CDH12: variants seen among roughly 807,000 people sequenced by gnomAD.
CDH12 encodes the protein cadherin 12.
Under a neutral mutation model 74.1 loss-of-function variants are expected in CDH12, and 41 were observed. The ratio of observed to expected loss-of-function variants is 0.55; its 90% CI spans 0.43 to 0.72. The LOEUF (loss-of-function observed/expected upper bound fraction) is 0.72, where lower values mean the gene tolerates loss of function less well. CDH12 is among the 30% of genes least tolerant of loss of function. The probability of loss-of-function intolerance (pLI) is 0.00; values close to 1 mark genes in which losing one functional copy is unlikely to be tolerated. For synonymous variants in CDH12, 399 were observed against 355.0 expected (o/e 1.12, Z -1.39); for missense variants, 945 against 977.2 (o/e 0.97, Z 0.44).
intron 8 of CDH12, among the ~76,000 whole-genome samples, chr5:21,830,359 G>A (rs1299102066): frequency 6.6e-6 from 1 of 152,008 alleles, no homozygotes; most frequent in African/African-American, 2.4e-5. Context: ...GGGACAAGGA[G>A]AAGGAAAAAA....
intron 1 of CDH12, among the ~76,000 whole-genome samples, chr5:22,514,301 A>G (rs1157542282): frequency 1.3e-5 from 2 of 152,120 alleles, no homozygotes; most frequent in African/African-American, 2.4e-5. Flanking sequence ...AAAAAAATAC[A>G]CAGAAACACA....
intron 11 of CDH12, among the ~76,000 whole-genome samples, chr5:21,780,370 A>T (rs899751292): frequency 6.6e-6 from 1 of 152,204 alleles, no homozygotes; most frequent in Non-Finnish European, 1.5e-5. Flanking sequence ...AAGGCTCTGA[A>T]AGGAGACACT....
At chr5:22,741,865 T>C (rs181948427) in intron 1 of CDH12, among the ~76,000 whole-genome samples, 1 of 152,258 alleles carries the variant, frequency 6.6e-6, no homozygotes, top group East Asian at 1.9e-4. Context: ...TTTCTTATGA[T>C]GAACAAAATG....
At chr5:22,698,735 AGTGTGTGT>A (rs374493879) in intron 1 of CDH12, among the ~76,000 whole-genome samples, 1,054 of 14,394 alleles carry the variant, frequency 0.073, 150 homozygotes, top group Middle Eastern at 0.4. Flanking sequence ...ATATATATAT[AGTGTGTGT>A]GTGTGTGTGT....
chr5:22,345,106 A>G (rs1740055055), intron 3 of CDH12, among the ~76,000 whole-genome samples: 1 of 152,182 alleles, frequency 6.6e-6, no homozygotes, highest in Non-Finnish European at 1.5e-5. Flanking sequence ...GCACTGCAAC[A>G]TTGATTTGAT....
At chr5:22,572,068 A>C (rs1406040489) in intron 1 of CDH12, among the ~76,000 whole-genome samples, 1 of 152,182 alleles carries the variant, frequency 6.6e-6, no homozygotes, top group Non-Finnish European at 1.5e-5. Flanking sequence ...TAAAAACAAC[A>C]CAATATCTGC....
intron 4 of CDH12, among the ~76,000 whole-genome samples, chr5:22,170,137 T>C (rs538976956): frequency 6.6e-6 from 1 of 151,802 alleles, no homozygotes; most frequent in African/African-American, 2.4e-5. Flanking sequence ...AAGCTGAATG[T>C]CCCTCAGAAT....
At chr5:22,735,052 T>C (rs1580940216) in intron 1 of CDH12, among the ~76,000 whole-genome samples, 1 of 152,056 alleles carries the variant, frequency 6.6e-6, no homozygotes, top group African/African-American at 2.4e-5. Flanking sequence ...GTCAGTTACA[T>C]CAGTATCTGA....
chr5:21,917,256 C>A (rs1309709748), intron 6 of CDH12, among the ~76,000 whole-genome samples: 1 of 152,086 alleles, frequency 6.6e-6, no homozygotes, highest in Non-Finnish European at 1.5e-5. Context: ...CTGACCTGGC[C>A]GCATATGGGA....
At chr5:22,558,617 G>GA (rs1738906499) in intron 1 of CDH12, among the ~76,000 whole-genome samples, 1 of 151,566 alleles carries the variant, frequency 6.6e-6, no homozygotes, top group African/African-American at 2.4e-5. Flanking sequence ...TTTGCCATAT[G>GA]AAAAAATACC....
rs548131340 is a variant in CDH12, at chr5:22,164,830, G to C, written c.-187+47668C>G. Among the ~76,000 whole-genome samples, 18 of 143,206 alleles carry C rather than the reference G, an allele frequency of 1.3e-4. No homozygotes were observed. In the East Asian group the frequency reaches 2.6e-3, roughly 21 times the overall value. 93.9% of individuals were successfully genotyped at this position (143,206 alleles called of 152,430 possible). On this transcript the variant is annotated intron_variant, in intron 4 of 14. Transcript: ENST00000382254. ...TGGATGTGGTCACCTTCCCAGCTAG[G>C]CTTAGGGATTCTTAGTCAGCCTAGG...
chr5:21,836,462 A>AACACACACACACACAC (rs60658949), intron 8 of CDH12, among the ~76,000 whole-genome samples: 102 of 143,526 alleles, frequency 7.1e-4, no homozygotes, highest in East Asian at 3.2e-3. Context: ...TAGAAAGGAA[A>AACACACACACACACAC]ACACACACAC....
intron 2 of CDH12, among the ~76,000 whole-genome samples, chr5:22,426,573 A>G (rs1044539816): frequency 5.9e-5 from 9 of 152,140 alleles, no homozygotes; most frequent in African/African-American, 2.2e-4. Flanking sequence ...ATATTTAACT[A>G]AATATTTAGT....
chr5:22,629,447 T>A (rs2126854141), intron 1 of CDH12, among the ~76,000 whole-genome samples: 1 of 152,018 alleles, frequency 6.6e-6, no homozygotes, highest in South Asian at 2.1e-4. Context: ...GAATGCAAGA[T>A]TTTTTCAACA....
At chr5:22,402,333 G>A (rs997414678) in intron 3 of CDH12, among the ~76,000 whole-genome samples, 2 of 152,164 alleles carry the variant, frequency 1.3e-5, no homozygotes, top group Non-Finnish European at 2.9e-5. Context: ...TTGAATAGAT[G>A]TCAGTAGAAA....
intron 2 of CDH12, among the ~76,000 whole-genome samples, chr5:22,490,731 A>C (rs1232621357): frequency 1.1e-4 from 17 of 152,014 alleles, no homozygotes; most frequent in Non-Finnish European, 4.4e-5. Context: ...ACAACTAACT[A>C]CCTCCTATGA....
intron 4 of CDH12, among the ~76,000 whole-genome samples, chr5:22,208,174 A>G (rs1371550939): frequency 6.6e-6 from 1 of 152,222 alleles, no homozygotes; most frequent in African/African-American, 2.4e-5. Context: ...TGTCTACCAG[A>G]ACTATGAACA....
intron 1 of CDH12, among the ~76,000 whole-genome samples, chr5:22,601,654 C>T (rs960663520): frequency 6.6e-6 from 1 of 151,864 alleles, no homozygotes; most frequent in East Asian, 1.9e-4. Context: ...TTTAAGTTAT[C>T]GACTGGGTAC....
At chr5:22,159,815 T>C (rs2150317808) in intron 4 of CDH12, among the ~76,000 whole-genome samples, 1 of 152,328 alleles carries the variant, frequency 6.6e-6, no homozygotes, top group South Asian at 2.1e-4. Flanking sequence ...TAATAGTTCA[T>C]TAACAAGATA....
Sources: gnomAD v4.1 joint callset for allele counts (sites outside exome capture counted in the v4.1 genomes callset) on GRCh38, gnomAD v4.1.1 for gene constraint, MANE v1.5 for transcripts, NCBI Gene and HGNC (gene_info 2026-07-23, HGNC 2026-07-21) for gene names.